The following NCOA6 variants were observed in gnomAD, a reference collection of about 807,000 sequenced individuals.
NCOA6 encodes the protein NRC RAP250.
Under a neutral mutation model 171.4 loss-of-function variants are expected in NCOA6, and 49 were observed. The ratio of observed to expected loss-of-function variants is 0.29; its 90% CI spans 0.23 to 0.36. The LOEUF is 0.36. NCOA6 is among the 10% of genes least tolerant of loss of function. NCOA6 has a pLI of 1.00. For synonymous variants in NCOA6, 910 were observed against 927.5 expected (o/e 0.98, Z 0.34); for missense variants, 2,248 against 2,554.5 (o/e 0.88, Z 2.59).
intron 5 of NCOA6, among the ~76,000 whole-genome samples, chr20:34,760,898 A>G (rs573107894): frequency 6.6e-6 from 1 of 152,088 alleles, no homozygotes; most frequent in African/African-American, 2.4e-5. Flanking sequence ...GTCTTAGCAC[A>G]TTCATCAGTT....
intron 8 of NCOA6, 126 bp downstream of exon 8, chr20:34,754,596 T>G: frequency 8.6e-7 from 1 of 1,162,340 alleles, no homozygotes; most frequent in Non-Finnish European, 1.2e-6. Flanking sequence ...AAAGAATAAT[T>G]ATTTATGGGC....
intron 8 of NCOA6, 83 bp from the exon 9 acceptor site, chr20:34,750,602 A>G (rs2076445164): frequency 7.3e-7 from 1 of 1,372,006 alleles, no homozygotes. Flanking sequence ...CATTACTCAG[A>G]AAGACATCCA....
At chr20:34,784,299 A>C (rs187532945) in intron 2 of NCOA6, among the ~76,000 whole-genome samples, 7 of 151,806 alleles carry the variant, frequency 4.6e-5, no homozygotes, top group Non-Finnish European at 8.8e-5. Context: ...AACATGGCTC[A>C]CTGCAGCCTC....
intron 4 of NCOA6, among the ~76,000 whole-genome samples, chr20:34,770,219 T>C (rs1039157177): frequency 6.6e-6 from 1 of 152,154 alleles, no homozygotes; most frequent in Non-Finnish European, 1.5e-5. Flanking sequence ...TTTGTATTTT[T>C]AGTAGAGACG....
intron 11 of NCOA6, among the ~76,000 whole-genome samples, chr20:34,739,627 G>A (rs1049343806): frequency 5.3e-5 from 8 of 152,206 alleles, no homozygotes; most frequent in Non-Finnish European, 1.2e-4. Context: ...AGAAGCTGCT[G>A]TTCACACTTA....
chr20:34,724,108 A>C (rs181225328), intron 14 of NCOA6, among the ~76,000 whole-genome samples: 4 of 152,260 alleles, frequency 2.6e-5, no homozygotes, highest in Admixed American at 2.6e-4. Context: ...ACTCCCTTCC[A>C]AACTAGTTTC....
chr20:34,787,797 C>G (rs752381485), intron 2 of NCOA6, among the ~76,000 whole-genome samples: 6 of 151,970 alleles, frequency 3.9e-5, no homozygotes, highest in Non-Finnish European at 7.4e-5. Flanking sequence ...TCCTGCAGAG[C>G]AGGACTACCC....
At chr20:34,792,884 C>T (rs145357760) in intron 1 of NCOA6, among the ~76,000 whole-genome samples, 1 of 149,308 alleles carries the variant, frequency 6.7e-6, no homozygotes, top group African/African-American at 2.5e-5. Flanking sequence ...CTCAAGCAAT[C>T]CTCCCACCTC....
chr20:34,777,773 A>C (rs776396436), intron 3 of NCOA6, among the ~76,000 whole-genome samples: 1 of 152,218 alleles, frequency 6.6e-6, no homozygotes, highest in African/African-American at 2.4e-5. Flanking sequence ...AATGAACTGA[A>C]AGCAGAGTCT....
In NCOA6 at chr20:34,778,007, G is replaced by A. The variant is rs561458470; in HGVS notation, c.236-1559C>T. On this transcript the variant is annotated intron_variant, in intron 3 of 14. Transcript: ENST00000359003. ...ACTGCAACCTCCGCCTCCCAGGTTC[G>A]AGCAATTCTCCTGCCTCAGCATCCT... Among the ~76,000 whole-genome samples, 6 of 151,866 alleles carry A rather than the reference G, an allele frequency of 4.0e-5. No individual in the cohort carries two copies. In the East Asian group the frequency reaches 9.8e-4, roughly 25 times the overall value.
intron 1 of NCOA6, among the ~76,000 whole-genome samples, chr20:34,817,747 G>C (rs1285006064): frequency 6.6e-6 from 1 of 152,234 alleles, no homozygotes; most frequent in Non-Finnish European, 1.5e-5. Flanking sequence ...CACCAGCCCA[G>C]TCCTAAAGGA....
Position 34,715,130 on chromosome 20 carries a change from G to T in NCOA6, c.*192C>A. On this transcript the variant is annotated 3_prime_UTR_variant, in exon 15 of 15. Transcript: ENST00000359003. ...TTTTAGAAACCTTGAACTTCAACTC[G>T]CAACACCAAAAGGGCTCAACAGTCC... is the stretch of plus-strand genomic sequence containing the variant. The T allele has an allele frequency of 1.7e-6, 1 of 603,946 alleles. No homozygotes were observed. The highest frequency in any genetic ancestry group is 2.9e-6 in the Non-Finnish European group (1 of 350,040). The allele number at this position is 603,946 out of a possible 1,614,324, so 37.4% of individuals were successfully genotyped here. A position where few individuals can be genotyped will look rare whatever the true frequency, so the allele number is the denominator to read the frequency against.
At chr20:34,803,404 T>C (rs1366619424) in intron 1 of NCOA6, among the ~76,000 whole-genome samples, 2 of 150,936 alleles carry the variant, frequency 1.3e-5, no homozygotes, top group East Asian at 2.0e-4. Context: ...GAGGCAGAGG[T>C]TGCAGTGAGC....
chr20:34,750,777 T>C (rs966582834), intron 8 of NCOA6, among the ~76,000 whole-genome samples: 2 of 152,184 alleles, frequency 1.3e-5, no homozygotes, highest in Non-Finnish European at 2.9e-5. Context: ...TCTTAAAGAT[T>C]TAACGTTTCA....
At position 34,740,287 on chromosome 20, in the gene NCOA6, G is replaced by C. The variant is rs1404041320; in HGVS notation, c.5893+76C>G. On this transcript the variant is annotated intron_variant, in intron 11 of 14. Transcript: ENST00000359003. The stretch of plus-strand genomic sequence containing the variant: ...CATTCTCTTTCCTCCAAGTAAAAAA[G>C]GAGTCATGCTTTCTCTTGTGGGATT... 3 of 1,509,566 alleles carry C rather than the reference G, an allele frequency of 2.0e-6. No individual in the cohort carries two copies. The Admixed American group carries it at 6.6e-5, about 33-fold the overall frequency. 93.5% of individuals were successfully genotyped at this position (1,509,566 alleles called of 1,614,324 possible). A position where few individuals can be genotyped will look rare whatever the true frequency, so the allele number is the denominator to read the frequency against.
chr20:34,733,336 G>A (rs1013261339), intron 12 of NCOA6, among the ~76,000 whole-genome samples: 3 of 152,162 alleles, frequency 2.0e-5, no homozygotes, highest in African/African-American at 4.8e-5. Flanking sequence ...GCCTCCCACA[G>A]CCCTATTCCT....
chr20:34,815,059 C>T (rs1390157997), intron 1 of NCOA6, among the ~76,000 whole-genome samples: 4 of 152,160 alleles, frequency 2.6e-5, no homozygotes, highest in Non-Finnish European at 5.9e-5. Flanking sequence ...ACAGTACTAT[C>T]CTGGGCAAGG....
chr20:34,798,730 G>A (rs929988462), intron 1 of NCOA6, among the ~76,000 whole-genome samples: 1 of 152,154 alleles, frequency 6.6e-6, no homozygotes, highest in African/African-American at 2.4e-5. Context: ...CACCAAGGTG[G>A]TACCTCTATG....
intron 7 of NCOA6, among the ~76,000 whole-genome samples, 171 bp downstream of exon 7, chr20:34,757,049 C>T (rs1455227708): frequency 6.6e-6 from 1 of 152,210 alleles, no homozygotes; most frequent in Non-Finnish European, 1.5e-5. Flanking sequence ...CAGTAAGATG[C>T]TGCATAACGT....
Sources: allele counts gnomAD v4.1 joint callset (sites outside exome capture counted in the v4.1 genomes callset), GRCh38; gene constraint gnomAD v4.1.1; transcripts MANE v1.5; gene names NCBI Gene and HGNC (gene_info 2026-07-23, HGNC 2026-07-21).